The following KLHL18 variants were observed in gnomAD, a reference collection of about 807,000 sequenced individuals.
KLHL18 encodes the protein kelch-like protein 18.
In KLHL18, 38 loss-of-function variants were observed where a neutral mutation model predicts 58.5. The observed-to-expected ratio is 0.65, with a 90% CI of 0.50 to 0.85. The LOEUF is 0.85. Among genes scored for constraint, KLHL18 ranks in the 40% least tolerant of loss-of-function variants. The probability of loss-of-function intolerance (pLI) is 0.00; values close to 1 mark genes in which losing one functional copy is unlikely to be tolerated. For missense variants in KLHL18, 624 were observed against 778.4 expected (o/e 0.80, Z 2.36); for synonymous variants, 303 against 301.9 (o/e 1.00, Z -0.04).
intron 1 of KLHL18, among the ~76,000 whole-genome samples, chr3:47,284,337 CTTTTTT>C (rs767276527): frequency 8.4e-4 from 107 of 127,138 alleles, no homozygotes; most frequent in Admixed American, 1.1e-3. Flanking sequence ...TTTCTTTTTT[CTTTTTT>C]TTTTTTTTTT....
intron 2 of KLHL18, among the ~76,000 whole-genome samples, chr3:47,320,388 C>CA (rs1703557759): frequency 6.6e-6 from 1 of 152,106 alleles, no homozygotes; most frequent in Admixed American, 6.6e-5. Context: ...CTATATTAGA[C>CA]AACACAGGTT....
intron 1 of KLHL18, among the ~76,000 whole-genome samples, chr3:47,313,354 A>G (rs890450681): frequency 8.6e-5 from 13 of 152,012 alleles, no homozygotes; most frequent in Admixed American, 3.3e-4. Context: ...AGTAGCTGGG[A>G]CTACAGACGC....
At chr3:47,330,599 A>G (rs1703834337) in intron 4 of KLHL18, among the ~76,000 whole-genome samples, 1 of 151,466 alleles carries the variant, frequency 6.6e-6, no homozygotes, top group South Asian at 2.1e-4. Context: ...GCCTCCATAC[A>G]TTTTAGTGTC....
At chr3:47,303,025 T>C (rs2107599067) in intron 1 of KLHL18, among the ~76,000 whole-genome samples, 1 of 152,346 alleles carries the variant, frequency 6.6e-6, no homozygotes, top group South Asian at 2.1e-4. Flanking sequence ...CAAAGATCTA[T>C]ATCTTGAAAC....
chr3:47,295,125 G>A (rs947041792), intron 1 of KLHL18, among the ~76,000 whole-genome samples: 2 of 152,124 alleles, frequency 1.3e-5, no homozygotes, highest in South Asian at 4.2e-4. Context: ...AGCAGGTGGT[G>A]GCTAGTTTTC....
In KLHL18 at chr3:47,322,687, G is replaced by A. The variant is rs1334215598; in HGVS notation, c.380G>A (p.Cys127Tyr). 6.3e-7 allele frequency: 1 copy of A among 1,595,604 alleles called. No individual in the cohort carries two copies. Among genetic ancestry groups the A allele is most frequent in the East Asian group, 2.3e-5 (1 of 43,938 alleles). Reference protein sequence around the residue: ...FLQLQSIKDACCTFLRERLHP... With the variant: ...FLQLQSIKDAYCTFLRERLHP... ...CAGCTGCAGAGCATCAAAGACGCCT[G>A]CTGCACATTCCTTCGAGAACGGTGA... Residue 127 changes from cysteine (C) to tyrosine (Y), a missense_variant, in exon 3 of 10, where the codon TGC (cysteine) becomes TAC (tyrosine). Cys to Tyr is a radical substitution (Grantham distance 194). Transcript: ENST00000232766.
rs1054293999 is a variant in KLHL18, at chr3:47,285,984, G to A, written c.129+2890G>A. 2.6e-5 allele frequency among the ~76,000 whole-genome samples: 4 copies of A among 151,578 alleles called. No homozygotes were observed. The South Asian group carries it at 8.3e-4, about 31-fold the overall frequency. On this transcript the variant is annotated intron_variant, in intron 1 of 9. Coordinates refer to ENST00000232766, the MANE Select transcript of KLHL18 (RefSeq NM_025010.5). The stretch of plus-strand genomic sequence containing the variant: ...GAGCCTGGGAGGCAGAGGCTGCAGT[G>A]AGCCGAGATCGTGCCACTGCACTCC...
chr3:47,288,824 G>C (rs1282409024), intron 1 of KLHL18, among the ~76,000 whole-genome samples: 1 of 152,190 alleles, frequency 6.6e-6, no homozygotes, highest in Non-Finnish European at 1.5e-5. Context: ...TGCAAGACTT[G>C]TTGGCATAAG....
intron 1 of KLHL18, among the ~76,000 whole-genome samples, chr3:47,288,395 C>T (rs1702722624): frequency 6.6e-6 from 1 of 152,146 alleles, no homozygotes; most frequent in Admixed American, 6.6e-5. Context: ...GTCAGGTGTT[C>T]TCTCATGCTC....
At chr3:47,321,187 C>CA (rs1208869009) in intron 2 of KLHL18, among the ~76,000 whole-genome samples, 1 of 151,856 alleles carries the variant, frequency 6.6e-6, no homozygotes, top group East Asian at 1.9e-4. Flanking sequence ...GAGGGGGAGG[C>CA]AATGGAGTCT....
chr3:47,324,503 A>G (rs1703669576), intron 3 of KLHL18, among the ~76,000 whole-genome samples: 1 of 150,972 alleles, frequency 6.6e-6, no homozygotes, highest in Non-Finnish European at 1.5e-5. Context: ...GATCCAGGCT[A>G]TGTTGTAAAG....
intron 1 of KLHL18, among the ~76,000 whole-genome samples, chr3:47,292,831 C>T (rs565562111): frequency 2.0e-5 from 3 of 150,616 alleles, no homozygotes; most frequent in Admixed American, 6.7e-5. Context: ...ACCTGAGCCC[C>T]GGGAGGTCAA....
chr3:47,293,437 A>G (rs1702831148), intron 1 of KLHL18, among the ~76,000 whole-genome samples: 1 of 152,222 alleles, frequency 6.6e-6, no homozygotes, highest in Admixed American at 6.5e-5. Context: ...GATGCTAAGG[A>G]GTAATCTTTC....
Position 47,343,667 on chromosome 3 carries a change from G to T in KLHL18, c.1451G>T (p.Gly484Val), listed in dbSNP as rs2107669075. ...GGGAGCAAGATGTTTGTCTGCGGGG[G>T]CTACGATGGCTCTGGCTTCCTCAGC... ...SLGSKMFVCG[G>V]YDGSGFLSIA... Residue 484 changes from glycine to valine, a missense_variant, in exon 10 of 10, where the codon GGC (glycine) becomes GTC (valine). Physicochemically the swap from Gly to Val is moderately radical, Grantham distance 109. Transcript: ENST00000232766. 1.9e-6 allele frequency: 3 copies of T among 1,614,104 alleles called. No homozygotes were observed. The highest frequency in any genetic ancestry group is 2.2e-5 in the East Asian group (1 of 44,886).
chr3:47,342,705 A>T lies in KLHL18; in HGVS notation c.1227-14A>T. On this transcript the variant is annotated splice_polypyrimidine_tract_variant and intron_variant, in intron 8 of 9. Transcript: ENST00000232766. Reference sequence around the variant, plus strand: ...ATCTCATGCTTCCCCTCCTATTTTGACTCTTTCCTGAAGATGGACAGTGGT... The same window carrying T: ...ATCTCATGCTTCCCCTCCTATTTTGTCTCTTTCCTGAAGATGGACAGTGGT... The T allele has an allele frequency of 6.2e-7, 1 of 1,609,946 alleles. No individual in the cohort carries two copies.
chr3:47,297,494 C>T (rs1361659695), intron 1 of KLHL18: 1 of 454,712 alleles, frequency 2.2e-6, no homozygotes, highest in African/African-American at 2.0e-5. Context: ...CACTGTTACC[C>T]TGGGAGTCAG....
In KLHL18 at chr3:47,333,178, T is replaced by C. The variant is rs1703904359; in HGVS notation, c.622T>C (p.Trp208Arg). The change falls in exon 5 of 10, where the codon TGG (tryptophan) becomes CGG (arginine). Residue 208 changes from tryptophan (W) to arginine (R), a missense_variant. Physicochemically the swap from Trp to Arg is moderately radical, Grantham distance 101. Coordinates refer to ENST00000232766, the MANE Select transcript of KLHL18 (RefSeq NM_025010.5). ...EEQVFEAALA[W>R]VRYDREQRGP... ...ACAGGTCTTTGAAGCTGCATTGGCC[T>C]GGGTCAGATACGACCGGGAGCAGAG... 14 of 1,613,782 alleles carry C rather than the reference T, an allele frequency of 8.7e-6. No individual in the cohort carries two copies. The highest frequency in any genetic ancestry group is 1.2e-5 in the Non-Finnish European group (14 of 1,179,888).
chr3:47,311,109 A>G (rs912997901), intron 1 of KLHL18, among the ~76,000 whole-genome samples: 1 of 151,508 alleles, frequency 6.6e-6, no homozygotes, highest in Non-Finnish European at 1.5e-5. Flanking sequence ...TCCTGGGTTC[A>G]TGCCATTCTC....
intron 3 of KLHL18, among the ~76,000 whole-genome samples, chr3:47,328,205 A>G (rs886288955): frequency 2.2e-5 from 3 of 137,662 alleles, no homozygotes; most frequent in African/African-American, 8.2e-5. Flanking sequence ...TCTCTACCAA[A>G]AAACACTTTT....
Sources: allele counts gnomAD v4.1 joint callset (sites outside exome capture counted in the v4.1 genomes callset), GRCh38; gene constraint gnomAD v4.1.1; transcripts MANE v1.5; gene names NCBI Gene and HGNC (gene_info 2026-07-23, HGNC 2026-07-21).